The following MDM2 variants were observed in gnomAD, a reference collection of about 807,000 sequenced individuals.
MDM2 encodes MDM2 proto-oncogene, also known as E3 ubiquitin-protein ligase Mdm2.
A neutral mutation model predicts 64.3 loss-of-function variants in MDM2; 11 were observed. The ratio of observed to expected loss-of-function variants is 0.17; its 90% CI spans 0.11 to 0.28. MDM2 has a LOEUF of 0.28. Among genes scored for constraint, MDM2 ranks in the 10% least tolerant of loss-of-function variants. MDM2 has a pLI of 1.00. For missense variants in MDM2, 388 were observed against 577.1 expected (o/e 0.67, Z 3.36); for synonymous variants, 194 against 192.9 (o/e 1.01, Z -0.05).
intron 5 of MDM2, among the ~76,000 whole-genome samples, chr12:68,820,944 A>G (rs1881789454): frequency 6.6e-6 from 1 of 152,076 alleles, no homozygotes; most frequent in Non-Finnish European, 1.5e-5. Context: ...CCTACTTTCC[A>G]TGAGAAAAGC....
rs1565751601 is a variant in MDM2 at position 68,842,695 on chromosome 12, A to G, written c.*2846A>G. 5.0e-6 allele frequency: 1 copy of G among 199,168 alleles called. No homozygotes were observed. The highest frequency in any genetic ancestry group is 2.3e-5 in the African/African-American group (1 of 43,042). The allele number at this position is 199,168 out of a possible 1,614,324, so 12.3% of individuals were successfully genotyped here. A position where few individuals can be genotyped will look rare whatever the true frequency, so the allele number is the denominator to read the frequency against. ...TTCAAAAATTTATGGCTAGTGATATATATAAAGTAAAATTTTCTTTGCAGT... is the reference window on the plus strand; with the variant it reads ...TTCAAAAATTTATGGCTAGTGATATGTATAAAGTAAAATTTTCTTTGCAGT... On this transcript the variant is annotated 3_prime_UTR_variant, in exon 11 of 11. Transcript: ENST00000258149.
At position 68,824,643 on chromosome 12, in the gene MDM2, G is replaced by C; in HGVS notation, c.515G>C (p.Ser172Thr). The change falls in exon 7 of 11, where the codon AGT becomes ACT. Residue 172 changes from serine (S) to threonine (T), a missense_variant. Around this residue, in one of 5 missense-constraint regions of MDM2, gnomAD observed 168 missense variants for 236.6 expected, o/e 0.71. Transcript: ENST00000258149. ...ACCTCATCTAGAAGGAGAGCAATTA[G>C]TGAGACAGGTATATATGAATATTTA... ...PSTSSRRRAI[S>T]ETEENSDELS... 2 of 1,585,816 alleles carry C rather than the reference G, an allele frequency of 1.3e-6. No homozygotes were observed. Among genetic ancestry groups the C allele is most frequent in the South Asian group, 2.2e-5 (2 of 89,482 alleles).
intron 7 of MDM2, 85 bp from the exon 8 acceptor site, chr12:68,828,686 A>G (rs1366365725): frequency 8.4e-7 from 1 of 1,189,402 alleles, no homozygotes; most frequent in Non-Finnish European, 1.2e-6. Flanking sequence ...TATTGAAACT[A>G]AGTTTCTGTA....
At chr12:68,810,934 T>C (rs1350148894) in intron 2 of MDM2, among the ~76,000 whole-genome samples, 1 of 152,066 alleles carries the variant, frequency 6.6e-6, no homozygotes, top group Non-Finnish European at 1.5e-5. Flanking sequence ...GGCGAGATCT[T>C]GTCTCATTGC....
chr12:68,835,894 G>C lies in MDM2; in HGVS notation c.750G>C (p.Gln250His). The C allele has an allele frequency of 1.9e-6, 3 of 1,613,780 alleles. No homozygotes were observed. The highest frequency in any genetic ancestry group is 2.5e-6 in the Non-Finnish European group (3 of 1,179,752). ...DWLDQDSVSD[Q>H]FSVEFEVESL... ...TGGATCAGGATTCAGTTTCAGATCA[G>C]TTTAGTGTAGAATTTGAAGTTGAAT... The change falls in exon 9 of 11, where the codon CAG becomes CAC. Residue 250 changes from glutamine (Q) to histidine (H), a missense_variant. Physicochemically the swap from Gln to His is conservative, Grantham distance 24. Coordinates refer to ENST00000258149, the MANE Select transcript of MDM2 (RefSeq NM_002392.6).
At position 68,816,853 on chromosome 12, in the gene MDM2, A is replaced by G; in HGVS notation, c.216A>G (p.Leu72=). Reference sequence around the variant, plus strand: ...GCCAGTATATTATGACTAAACGATTATATGATGAGAAGCAACAACATATTG... The same window carrying G: ...GCCAGTATATTATGACTAAACGATTGTATGATGAGAAGCAACAACATATTG... The part of the protein sequence containing the change: ...YLGQYIMTKR[L]YDEKQQHIVY... The change falls in exon 4 of 11, where the codon TTA becomes TTG. Residue 72 remains leucine (L), a synonymous_variant. Transcript: ENST00000258149. 6.2e-7 allele frequency: 1 copy of G among 1,610,440 alleles called. No individual in the cohort carries two copies. The highest frequency in any genetic ancestry group is 8.5e-7 in the Non-Finnish European group (1 of 1,178,692).
intron 4 of MDM2, among the ~76,000 whole-genome samples, chr12:68,818,794 C>G (rs1222495282): frequency 6.7e-6 from 1 of 150,204 alleles, no homozygotes; most frequent in Non-Finnish European, 1.5e-5. Context: ...AAGTCTTGCT[C>G]TGTTGCCCAG....
At position 68,844,912 on chromosome 12, in the gene MDM2, A is replaced by C. The variant is rs942293988; in HGVS notation, c.*5063A>C. The C allele has an allele frequency of 2.5e-5, 5 of 200,156 alleles. No homozygotes were observed. Among genetic ancestry groups the C allele is most frequent in the Non-Finnish European group, 5.1e-5 (5 of 97,318 alleles). 12.4% of individuals were successfully genotyped at this position (200,156 alleles called of 1,614,324 possible). On this transcript the variant is annotated 3_prime_UTR_variant, in exon 11 of 11. Coordinates refer to ENST00000258149, the MANE Select transcript of MDM2 (RefSeq NM_002392.6). ...CCTCCCAAGTAGCTGGGGTTAGAGC[A>C]CCCTGTCACCACGCCCCGCTAATTT...
At position 68,841,932 on chromosome 12, in the gene MDM2, T is replaced by G; in HGVS notation, c.*2083T>G. On this transcript the variant is annotated 3_prime_UTR_variant, in exon 11 of 11. Transcript: ENST00000258149. ...CCCATCCGAGCTCAGCACTGAGAAGTGTTAGTTTCTTTGGGACCCATCTAC... is the reference window on the plus strand; with the variant it reads ...CCCATCCGAGCTCAGCACTGAGAAGGGTTAGTTTCTTTGGGACCCATCTAC... 7.1e-6 allele frequency: 2 copies of G among 281,402 alleles called. No individual in the cohort carries two copies. Among genetic ancestry groups the G allele is most frequent in the Middle Eastern group, 4.1e-4 (1 of 2,450 alleles). 17.4% of individuals were successfully genotyped at this position (281,402 alleles called of 1,614,324 possible).
Position 68,839,456 on chromosome 12 carries a change from T to C in MDM2, c.1101T>C (p.Asp367=), listed in dbSNP as rs368654646. Residue 367 remains aspartate (D), a synonymous_variant, in exon 11 of 11, where the codon GAT becomes GAC. Coordinates refer to ENST00000258149, the MANE Select transcript of MDM2 (RefSeq NM_002392.6). ...CTGAAGAGGGCTTTGATGTTCCTGA[T>C]TGTAAAAAAACTATAGTGAATGATT... ...TQAEEGFDVP[D]CKKTIVNDSR... is the part of the protein sequence containing the mutation. The C allele has an allele frequency of 3.7e-6, 6 of 1,613,780 alleles. No individual in the cohort carries two copies. In the African/African-American group the frequency reaches 6.7e-5, roughly 18 times the overall value.
chr12:68,824,075 A>G (rs1481248988), intron 5 of MDM2: 1 of 330,336 alleles, frequency 3.0e-6, no homozygotes, highest in African/African-American at 2.1e-5. Context: ...TGTTTCTCAG[A>G]CACTCCCTGT....
intron 7 of MDM2, among the ~76,000 whole-genome samples, chr12:68,825,736 T>G (rs1242372760): frequency 6.6e-6 from 1 of 152,210 alleles, no homozygotes; most frequent in African/African-American, 2.4e-5. Context: ...GGCTGTTGCC[T>G]GAGGAAGTCG....
At position 68,842,446 on chromosome 12, in the gene MDM2, T is replaced by C. The variant is rs1371730594; in HGVS notation, c.*2597T>C. The C allele has an allele frequency of 2.3e-6, 1 of 443,684 alleles. No individual in the cohort carries two copies. Among genetic ancestry groups the C allele is most frequent in the Non-Finnish European group, 4.4e-6 (1 of 226,552 alleles). The allele number at this position is 443,684 out of a possible 1,614,324, so 27.5% of individuals were successfully genotyped here. On this transcript the variant is annotated 3_prime_UTR_variant, in exon 11 of 11. Transcript: ENST00000258149. ...CATTTGAAAATCTCCTTTGGAGACT[T>C]AGAACCTCTAAATTATTGACTTATT...
chr12:68,829,115 G>C (rs147285197), intron 8 of MDM2, among the ~76,000 whole-genome samples, 184 bp downstream of exon 8: 153 of 152,302 alleles, frequency 1.0e-3, no homozygotes, highest in African/African-American at 3.1e-3. Flanking sequence ...GGTATTGTGA[G>C]AAATGTGGAA....
At chr12:68,809,055 G>C (rs1043928142) in intron 1 of MDM2, 153 bp from the exon 2 acceptor site, 9 of 1,497,712 alleles carry the variant, frequency 6.0e-6, no homozygotes, top group Admixed American at 2.2e-5. Context: ...CTGTGGGCAC[G>C]GACGCACGCC....
At chr12:68,846,882 T>C (rs1418519659), downstream of MDM2, 1 of 152,030 alleles carries the variant, frequency 6.6e-6, no homozygotes, top group African/African-American at 2.4e-5. Flanking sequence ...AGTAAGCACT[T>C]TTAATGAATG....
At chr12:68,831,176 C>T (rs530850769) in intron 8 of MDM2, among the ~76,000 whole-genome samples, 1 of 152,234 alleles carries the variant, frequency 6.6e-6, no homozygotes, top group Admixed American at 6.5e-5. Context: ...GACACGGACA[C>T]ACGTGGAGTG....
chr12:68,815,694 C>T (rs1391933190), intron 3 of MDM2: 1 of 402,400 alleles, frequency 2.5e-6, no homozygotes, highest in Non-Finnish European at 5.0e-6. Context: ...CTGCTTACCT[C>T]GGCCTCCTAA....
downstream of MDM2, chr12:68,846,447 A>T (rs957400517): frequency 6.6e-6 from 1 of 152,092 alleles, no homozygotes; most frequent in Non-Finnish European, 1.5e-5. Flanking sequence ...TTTATTTCTC[A>T]GGGTTAAATT....
Sources: allele counts gnomAD v4.1 joint callset (sites outside exome capture counted in the v4.1 genomes callset), GRCh38; gene constraint gnomAD v4.1.1; regional missense constraint gnomAD v4.1.1; transcripts MANE v1.5; gene names NCBI Gene and HGNC (gene_info 2026-07-23, HGNC 2026-07-21).